Variants in BAZ2B observed in about 807,000 individuals in gnomAD.
BAZ2B encodes the protein bromodomain adjacent to zinc finger domain protein 2B.
BAZ2B carries 91 observed loss-of-function variants against 246.0 expected under a neutral mutation model. The observed-to-expected ratio is 0.37, with a 90% CI of 0.31 to 0.44. BAZ2B has a LOEUF of 0.44. Among genes scored for constraint, BAZ2B ranks in the 20% least tolerant of loss-of-function variants. The probability of loss-of-function intolerance (pLI) is 1.00; values close to 1 mark genes in which losing one functional copy is unlikely to be tolerated. For synonymous variants in BAZ2B, 855 were observed against 860.0 expected (o/e 0.99, Z 0.10); for missense variants, 2,332 against 2,533.7 (o/e 0.92, Z 1.71).
chr2:159,395,108 T>C (rs144872740), intron 20 of BAZ2B, among the ~76,000 whole-genome samples: 142 of 151,814 alleles, frequency 9.4e-4, no homozygotes, highest in African/African-American at 3.4e-3. Context: ...TTTAAAAAAA[T>C]GGCTTGAAAA....
intron 4 of BAZ2B, among the ~76,000 whole-genome samples, chr2:159,452,550 C>G (rs139599960): frequency 1.3e-5 from 2 of 152,268 alleles, no homozygotes; most frequent in African/African-American, 4.8e-5. Flanking sequence ...TAGAATTATG[C>G]TATAACGTTT....
chr2:159,706,084 A>ACACACACACACACACACACACACAC, the BAZ2B span, among the ~76,000 whole-genome samples: 4 of 149,660 alleles, frequency 2.7e-5, no homozygotes, highest in Non-Finnish European at 4.4e-5. Flanking sequence ...AAACATATAT[A>ACACACACACACACACACACACACAC]ACACACACAC....
chr2:159,463,023 C>T lies in BAZ2B; in HGVS notation c.146-9222G>A, dbSNP rs922158484. The T allele has an allele frequency of 2.9e-5, 22 of 749,536 alleles. No homozygotes were observed. The East Asian group carries it at 4.9e-4, about 17-fold the overall frequency. The allele number at this position is 749,536 out of a possible 1,614,324, so 46.4% of individuals were successfully genotyped here. A position where few individuals can be genotyped will look rare whatever the true frequency, so the allele number is the denominator to read the frequency against. Reference sequence around the variant, plus strand: ...TCTGCTATTACCCAGGTCCCCCATGCTCTGTAATTATGACCTGATCTTCAC... The same window carrying T: ...TCTGCTATTACCCAGGTCCCCCATGTTCTGTAATTATGACCTGATCTTCAC... On this transcript the variant is annotated intron_variant, in intron 3 of 36. Transcript: ENST00000392783.
At chr2:159,412,657 T>G in intron 13 of BAZ2B, 112 bp from the exon 14 acceptor site, 1 of 965,412 alleles carries the variant, frequency 1.0e-6, no homozygotes, top group East Asian at 2.7e-5. Flanking sequence ...ATTTACAACA[T>G]TAGTATAAGC....
the BAZ2B span, among the ~76,000 whole-genome samples, chr2:159,658,259 G>A: frequency 2.6e-5 from 4 of 152,186 alleles, no homozygotes; most frequent in African/African-American, 9.6e-5. Context: ...TTGCATAACT[G>A]GAATAAATAC....
chr2:159,510,654 A>C (rs1007338815), intron 2 of BAZ2B, among the ~76,000 whole-genome samples: 1 of 152,248 alleles, frequency 6.6e-6, no homozygotes, highest in African/African-American at 2.4e-5. Flanking sequence ...AAAAAAATGT[A>C]ATATACCAAA....
At chr2:159,355,739 C>A (rs989947812) in intron 27 of BAZ2B, among the ~76,000 whole-genome samples, 24 of 152,160 alleles carry the variant, frequency 1.6e-4, no homozygotes, top group African/African-American at 4.8e-4. Context: ...CAGCTCCCAG[C>A]GAGATCAACA....
At chr2:159,474,253 C>T (rs987403491) in intron 3 of BAZ2B, among the ~76,000 whole-genome samples, 8 of 152,302 alleles carry the variant, frequency 5.3e-5, no homozygotes, top group Non-Finnish European at 1.2e-4. Flanking sequence ...GTATTGGATG[C>T]ATATATATTT....
At chr2:159,628,709 T>C in the BAZ2B span, among the ~76,000 whole-genome samples, 1 of 152,108 alleles carries the variant, frequency 6.6e-6, no homozygotes, top group Non-Finnish European at 1.5e-5. Flanking sequence ...CCTAAAACCA[T>C]AAAAACCCTA....
At chr2:159,476,669 G>T (rs72947586) in intron 3 of BAZ2B, among the ~76,000 whole-genome samples, 40,673 of 152,136 alleles carry the variant, frequency 0.27, 6,878 homozygotes, top group Non-Finnish European at 0.38. Flanking sequence ...AATAAGAAAA[G>T]ACATTTCTTT....
At chr2:159,692,788 AAT>A in the BAZ2B span, among the ~76,000 whole-genome samples, 1 of 152,188 alleles carries the variant, frequency 6.6e-6, no homozygotes, top group African/African-American at 2.4e-5. Flanking sequence ...ATATGGTCAT[AAT>A]ATGTTATTTT....
At chr2:159,406,415 A>G (rs2065942359) in intron 14 of BAZ2B, among the ~76,000 whole-genome samples, 1 of 152,214 alleles carries the variant, frequency 6.6e-6, no homozygotes, top group African/African-American at 2.4e-5. Flanking sequence ...TGATTAAGAC[A>G]GTGTTGTGTG....
Position 159,349,084 on chromosome 2 carries a change from T to C in BAZ2B, c.5060A>G (p.Lys1687Arg), listed in dbSNP as rs2058285143. ...AGCTGCAGGTTGAGCTGAAGTGGCCTTTTCATTCTGTGGTACTGGAGATTC... is the reference window on the plus strand; with the variant it reads ...AGCTGCAGGTTGAGCTGAAGTGGCCCTTTCATTCTGTGGTACTGGAGATTC... ...KSESPVPQNE[K>R]ATSAQPAAVE... The change falls in exon 29 of 37, where the codon AAG (lysine) becomes AGG (arginine). Residue 1687 changes from lysine (K) to arginine (R), a missense_variant. By Grantham distance (26) the Lys-to-Arg change is conservative (BLOSUM62 2). This residue lies in a region of BAZ2B where 676 missense variants were observed against 668.6 expected (regional missense o/e 1.01). Transcript: ENST00000392783. 1 of 1,614,002 alleles carries C rather than the reference T, an allele frequency of 6.2e-7. No individual in the cohort carries two copies. Among genetic ancestry groups the C allele is most frequent in the Non-Finnish European group, 8.5e-7 (1 of 1,179,988 alleles).
intron 1 of BAZ2B, among the ~76,000 whole-genome samples, chr2:159,605,973 T>C (rs540700672): frequency 6.6e-6 from 1 of 152,220 alleles, no homozygotes; most frequent in South Asian, 2.1e-4. Context: ...GTTCTCTTCC[T>C]GGACCAAGTG....
chr2:159,601,097 G>C (rs1258171445), intron 1 of BAZ2B, among the ~76,000 whole-genome samples: 1 of 152,090 alleles, frequency 6.6e-6, no homozygotes, highest in African/African-American at 2.4e-5. Flanking sequence ...AAGATCTCAA[G>C]AGACTCAGAG....
At chr2:159,412,278 T>C (rs2066944918) in intron 14 of BAZ2B, 57 bp downstream of exon 14, 1 of 1,523,356 alleles carries the variant, frequency 6.6e-7, no homozygotes, top group South Asian at 1.1e-5. Flanking sequence ...ATATTAGAAA[T>C]ACTTTTAGTA....
chr2:159,612,669 A>C (rs1291390413), intron 1 of BAZ2B, among the ~76,000 whole-genome samples: 1 of 152,180 alleles, frequency 6.6e-6, no homozygotes, highest in Non-Finnish European at 1.5e-5. Flanking sequence ...AGTAGCAACA[A>C]AGACATTAAC....
At chr2:159,329,382 T>A (rs145319220) in intron 34 of BAZ2B, among the ~76,000 whole-genome samples, 1 of 152,178 alleles carries the variant, frequency 6.6e-6, no homozygotes, top group East Asian at 1.9e-4. Context: ...CCTGAGCATC[T>A]GTGACTCTGG....
intron 1 of BAZ2B, among the ~76,000 whole-genome samples, chr2:159,600,852 C>A (rs764352929): frequency 7.9e-5 from 12 of 152,278 alleles, no homozygotes; most frequent in Middle Eastern, 3.4e-3. Flanking sequence ...TTGGCCTCAT[C>A]GTTTTTATTT....
Sources: gnomAD v4.1 joint callset for allele counts (sites outside exome capture counted in the v4.1 genomes callset) on GRCh38, gnomAD v4.1.1 for gene constraint, gnomAD v4.1.1 regional missense constraint, MANE v1.5 for transcripts, NCBI Gene and HGNC (gene_info 2026-07-23, HGNC 2026-07-21) for gene names.